ISY1: variants seen among roughly 807,000 people sequenced by gnomAD.
ISY1 encodes the protein ISY1 spliceosome associated protein.
A neutral mutation model predicts 54.4 loss-of-function variants in ISY1; 12 were observed. The observed-to-expected ratio is 0.22, with a 90% CI of 0.14 to 0.36. The LOEUF (loss-of-function observed/expected upper bound fraction) is 0.36. ISY1 is among the 10% of genes least tolerant of loss of function. ISY1 has a pLI of 1.00. For missense variants in ISY1, 282 were observed against 342.2 expected, an observed-to-expected ratio of 0.82 and a Z score of 1.39; for synonymous variants, 96 against 117.9, an observed-to-expected ratio of 0.81 and a Z score of 1.20.
intron 1 of ISY1, 122 bp downstream of exon 1, chr3:129,160,850 AG>A: frequency 8.0e-7 from 1 of 1,243,192 alleles, no homozygotes; most frequent in African/African-American, 1.5e-5. Context: ...CGTTACACCA[AG>A]GAACTTGAAG....
chr3:129,137,930 A>C (rs188013916), intron 7 of ISY1, among the ~76,000 whole-genome samples: 1,846 of 148,416 alleles, frequency 0.012, 27 homozygotes, highest in African/African-American at 0.043. Flanking sequence ...AAAAAAAAAA[A>C]AAAAAACTCG....
Position 129,156,689 on chromosome 3 carries a change from G to A in ISY1, c.145-14C>T. ...CTCTCCAATGATCTATTAAAAAAAA[G>A]TAATACATTTTAATAATTTTTGAAT... On this transcript the variant is annotated splice_polypyrimidine_tract_variant and intron_variant, in intron 4 of 10. Transcript: ENST00000393295. 1 of 1,593,778 alleles carries A rather than the reference G, an allele frequency of 6.3e-7. No homozygotes were observed. The highest frequency in any genetic ancestry group is 1.2e-5 in the South Asian group (1 of 86,164).
At chr3:129,137,638 C>T (rs186286982) in intron 7 of ISY1, among the ~76,000 whole-genome samples, 29 of 152,012 alleles carry the variant, frequency 1.9e-4, no homozygotes, top group Middle Eastern at 3.4e-3. Flanking sequence ...TGAGACCGGC[C>T]GGGAGCAGTG....
At position 129,156,694 on chromosome 3, in the gene ISY1, A is replaced by G; in HGVS notation, c.145-19T>C. The G allele has an allele frequency of 1.9e-6, 3 of 1,589,100 alleles. No homozygotes were observed. The highest frequency in any genetic ancestry group is 2.6e-6 in the Non-Finnish European group (3 of 1,168,628). Reference sequence around the variant, plus strand: ...CAATGATCTATTAAAAAAAAGTAATACATTTTAATAATTTTTGAATATGTT... The same window carrying G: ...CAATGATCTATTAAAAAAAAGTAATGCATTTTAATAATTTTTGAATATGTT... On this transcript the variant is annotated intron_variant, in intron 4 of 10. Coordinates refer to ENST00000393295, the MANE Select transcript of ISY1 (RefSeq NM_020701.4).
chr3:129,136,221 C>A (rs1284445663), intron 7 of ISY1, among the ~76,000 whole-genome samples: 5 of 151,604 alleles, frequency 3.3e-5, no homozygotes, highest in Admixed American at 3.3e-4. Context: ...CCTGCCTCAG[C>A]CTCCCGAGTA....
intron 10 of ISY1, 33 bp downstream of exon 10, chr3:129,130,517 C>A: frequency 6.2e-7 from 1 of 1,609,522 alleles, no homozygotes; most frequent in Non-Finnish European, 8.5e-7. Context: ...GAGAAGCCCC[C>A]GGCGCCCAGG....
intron 9 of ISY1, among the ~76,000 whole-genome samples, chr3:129,131,118 C>A (rs1301474650): frequency 6.6e-6 from 1 of 152,178 alleles, no homozygotes; most frequent in Non-Finnish European, 1.5e-5. Flanking sequence ...GTCAGGAGTC[C>A]ACTGTTTGCT....
chr3:129,140,569 C>T (rs1936577577), intron 6 of ISY1, 84 bp from the exon 7 acceptor site: 14 of 1,383,430 alleles, frequency 1.0e-5, no homozygotes, highest in East Asian at 2.4e-5. Context: ...GGCGGAGTCT[C>T]GCTCTGTTGC....
At position 129,135,072 on chromosome 3, in the gene ISY1, G is replaced by T; in HGVS notation, c.419-118C>A. 6 of 1,339,612 alleles carry T rather than the reference G, an allele frequency of 4.5e-6. No individual in the cohort carries two copies. The South Asian group carries it at 8.6e-5, about 19-fold the overall frequency. 83.0% of individuals were successfully genotyped at this position (1,339,612 alleles called of 1,614,324 possible). On this transcript the variant is annotated intron_variant, in intron 7 of 10. Transcript: ENST00000393295. Reference sequence around the variant, plus strand: ...CGTATGTTCATGAAAATACCAGGTGGGCGCAGTGGCTCATGCTTGTAATCC... The same window carrying T: ...CGTATGTTCATGAAAATACCAGGTGTGCGCAGTGGCTCATGCTTGTAATCC...
chr3:129,146,234 T>G (rs979372441), intron 5 of ISY1, among the ~76,000 whole-genome samples: 1 of 152,024 alleles, frequency 6.6e-6, no homozygotes, highest in Non-Finnish European at 1.5e-5. Flanking sequence ...AAAGACACAA[T>G]GAGGCTGGGA....
In ISY1 at chr3:129,130,177, T is replaced by C. The variant is rs1410674174; in HGVS notation, c.762A>G (p.Ala254=). ...GTTCCATTTTCTTCCTTCGCACCAG[T>C]GCCTCCTCAATCTGTGGAAATTAAG... is the stretch of plus-strand genomic sequence containing the variant. The part of the protein sequence containing the change: ...PVPSQQEIEE[A]LVRRKKMELL... Residue 254 remains alanine, a synonymous_variant, in exon 11 of 11, where the codon GCA becomes GCG. Coordinates refer to ENST00000393295, the MANE Select transcript of ISY1 (RefSeq NM_020701.4). 1.9e-6 allele frequency: 3 copies of C among 1,609,574 alleles called. No individual in the cohort carries two copies. The highest frequency in any genetic ancestry group is 2.5e-6 in the Non-Finnish European group (3 of 1,178,298).
chr3:129,144,141 C>T (rs1460608664), intron 6 of ISY1: 3 of 436,126 alleles, frequency 6.9e-6, no homozygotes, highest in Admixed American at 4.8e-5. Context: ...ATCTCCACCA[C>T]ACAACTGCTG....
rs1416343191 is a variant in ISY1, at chr3:129,129,657, A to T, written c.*424T>A. On this transcript the variant is annotated 3_prime_UTR_variant, in exon 11 of 11. Transcript: ENST00000393295. The stretch of plus-strand genomic sequence containing the variant: ...CCAAAGTGCTGGGGTTACAGGCGTG[A>T]GCCACTGCGCCTGGCCACATCATCT... 3 of 152,900 alleles carry T rather than the reference A, an allele frequency of 2.0e-5. No homozygotes were observed. The highest frequency in any genetic ancestry group is 4.4e-5 in the Non-Finnish European group (3 of 68,504). The allele number at this position is 152,900 out of a possible 1,614,324, so 9.5% of individuals were successfully genotyped here.
rs1482642489 is a variant in ISY1 at position 129,130,607 on chromosome 3, T to A, written c.693A>T (p.Gly231=). The change falls in exon 10 of 11, where the codon GGA becomes GGT. Residue 231 remains glycine (G), a synonymous_variant. Coordinates refer to ENST00000393295, the MANE Select transcript of ISY1 (RefSeq NM_020701.4). The part of the protein sequence containing the change: ...ESDEEGSQEK[G]GDDSQQKFIA... ...TGAACTTCTGCTGGCTGTCGTCCCC[T>A]CCTTTCTCCTGGCTGCCTTCCTCGT... The A allele has an allele frequency of 6.2e-7, 1 of 1,614,154 alleles. No individual in the cohort carries two copies. Among genetic ancestry groups the A allele is most frequent in the South Asian group, 1.1e-5 (1 of 91,086 alleles).
At chr3:129,160,852 G>A (rs1937286955) in intron 1 of ISY1, 121 bp downstream of exon 1, 4 of 1,260,488 alleles carry the variant, frequency 3.2e-6, no homozygotes, top group African/African-American at 1.5e-5. Flanking sequence ...TTACACCAAG[G>A]AACTTGAAGC....
rs570939639 is a variant in ISY1 at position 129,137,224 on chromosome 3, C to T, written c.419-2270G>A. The T allele has an allele frequency of 1.1e-4, 106 of 985,878 alleles. No individual in the cohort carries two copies. In the African/African-American group the frequency reaches 1.5e-3, roughly 14 times the overall value. The allele number at this position is 985,878 out of a possible 1,614,324, so 61.1% of individuals were successfully genotyped here. A position where few individuals can be genotyped will look rare whatever the true frequency, so the allele number is the denominator to read the frequency against. The stretch of plus-strand genomic sequence containing the variant: ...AAAAAAATAAAAAAATTTTTAAGGC[C>T]GGAAAGGAACATACCAAACAGATAA... On this transcript the variant is annotated intron_variant, in intron 7 of 10. Coordinates refer to ENST00000393295, the MANE Select transcript of ISY1 (RefSeq NM_020701.4).
intron 5 of ISY1, among the ~76,000 whole-genome samples, chr3:129,147,543 G>A (rs545161706): frequency 7.4e-4 from 112 of 152,230 alleles, no homozygotes; most frequent in Non-Finnish European, 1.2e-3. Context: ...CCAAAGCAAA[G>A]GGAGAGGATT....
In ISY1 at chr3:129,142,194, G is replaced by A. The variant is rs113275287; in HGVS notation, c.301-1709C>T. On this transcript the variant is annotated intron_variant, in intron 6 of 10. Transcript: ENST00000393295. ...TGCACTCCAGCCTGGACGACAGAGC[G>A]AGACTCTGTCTCGAAAAAAAAAAAA... Among the ~76,000 whole-genome samples the A allele has an allele frequency of 5.4e-3, 719 of 134,002 alleles. 1 individual carries two copies. The highest frequency in any genetic ancestry group is 0.019 in the African/African-American group (681 of 35,774). The allele number at this position is 134,002 out of a possible 152,430, so 87.9% of individuals were successfully genotyped here. A position where few individuals can be genotyped will look rare whatever the true frequency, so the allele number is the denominator to read the frequency against.
chr3:129,130,789 G>T, intron 9 of ISY1, 153 bp from the exon 10 acceptor site: 2 of 775,682 alleles, frequency 2.6e-6, no homozygotes, highest in Non-Finnish European at 3.9e-6. Context: ...ACAAGATTAA[G>T]TAAAAAAAGC....
Sources: gnomAD v4.1 joint callset for allele counts (sites outside exome capture counted in the v4.1 genomes callset) on GRCh38, gnomAD v4.1.1 for gene constraint, MANE v1.5 for transcripts, NCBI Gene and HGNC (gene_info 2026-07-23, HGNC 2026-07-21) for gene names.